Variants in TRIM2 observed in about 807,000 individuals in gnomAD.
TRIM2 encodes tripartite motif-containing protein 2.
A neutral mutation model predicts 75.2 loss-of-function variants in TRIM2; 20 were observed. The observed-to-expected ratio is 0.27, with a 90% CI of 0.19 to 0.39. The LOEUF is 0.39. TRIM2 is among the 10% of genes least tolerant of loss of function. TRIM2 has a pLI of 1.00. For missense variants in TRIM2, 660 were observed against 990.8 expected (o/e 0.67, Z 4.48); for synonymous variants, 373 against 388.3 (o/e 0.96, Z 0.46).
chr4:153,224,137 C>T (rs904028730), intron 1 of TRIM2, among the ~76,000 whole-genome samples: 4 of 152,146 alleles, frequency 2.6e-5, no homozygotes, highest in Non-Finnish European at 5.9e-5. Context: ...AGAACTGGTA[C>T]CTGCCCTTCA....
intron 8 of TRIM2, among the ~76,000 whole-genome samples, chr4:153,320,930 C>T (rs978022192): frequency 2.0e-4 from 31 of 152,178 alleles, no homozygotes; most frequent in African/African-American, 7.0e-4. Context: ...CCGCGCCCGG[C>T]GAAGAGTTCT....
chr4:153,249,296 G>T (rs1313568111), intron 1 of TRIM2, among the ~76,000 whole-genome samples: 2 of 152,342 alleles, frequency 1.3e-5, no homozygotes, highest in Middle Eastern at 3.4e-3. Flanking sequence ...CTCGGCTCCC[G>T]CCTCGGGGCG....
At chr4:153,232,870 ACT>A (rs1744024371) in intron 1 of TRIM2, among the ~76,000 whole-genome samples, 1 of 152,102 alleles carries the variant, frequency 6.6e-6, no homozygotes, top group African/African-American at 2.4e-5. Flanking sequence ...AAGGTCAGCC[ACT>A]CCAGTGAGAG....
chr4:153,160,753 C>A (rs1729660800), intron 1 of TRIM2, among the ~76,000 whole-genome samples: 1 of 152,202 alleles, frequency 6.6e-6, no homozygotes, highest in Non-Finnish European at 1.5e-5. Flanking sequence ...CACCACCACA[C>A]CTGGCTAATT....
At position 153,308,277 on chromosome 4, in the gene TRIM2, G is replaced by A. The variant is rs186034159; in HGVS notation, c.1511-7208G>A. The A allele has an allele frequency of 1.4e-3, 2,141 of 1,548,162 alleles. 6 individuals are homozygous for A. The highest frequency in any genetic ancestry group is 1.6e-3 in the South Asian group (145 of 89,762). Reference sequence around the variant, plus strand: ...CATCAGCTTGCAGAAGTCACCAGATGTGTCCGAAATAATGTCCTTCTCCAG... The same window carrying A: ...CATCAGCTTGCAGAAGTCACCAGATATGTCCGAAATAATGTCCTTCTCCAG... On this transcript the variant is annotated intron_variant, in intron 6 of 11. Transcript: ENST00000338700.
intron 6 of TRIM2, among the ~76,000 whole-genome samples, chr4:153,299,736 G>A (rs1763472407): frequency 6.6e-6 from 1 of 151,914 alleles, no homozygotes; most frequent in Non-Finnish European, 1.5e-5. Flanking sequence ...TTTGACCCGA[G>A]TCACCCCTGG....
At chr4:153,309,772 C>A (rs754725219) in intron 6 of TRIM2, 1 of 151,830 alleles carries the variant, frequency 6.6e-6, no homozygotes, top group Non-Finnish European at 1.5e-5. Context: ...TACAGGCATG[C>A]GCCACCATGC....
In TRIM2 at chr4:153,315,466, A is replaced by G; in HGVS notation, c.1511-19A>G. On this transcript the variant is annotated intron_variant, in intron 6 of 11. Coordinates refer to ENST00000338700, the MANE Select transcript of TRIM2 (RefSeq NM_015271.5). ...AACCCTTTAGTGCTTAATTTTTATG[A>G]TTTTATCATTTATTTTAGGTACCAA... is the stretch of plus-strand genomic sequence containing the variant. 2 of 1,579,068 alleles carry G rather than the reference A, an allele frequency of 1.3e-6. No individual in the cohort carries two copies. The highest frequency in any genetic ancestry group is 1.7e-6 in the Non-Finnish European group (2 of 1,163,188).
chr4:153,272,049 A>G (rs1420051572), intron 2 of TRIM2, among the ~76,000 whole-genome samples: 1 of 152,216 alleles, frequency 6.6e-6, no homozygotes, highest in Admixed American at 6.5e-5. Context: ...AGCTGGTGGT[A>G]GAGATTTGTG....
chr4:153,219,618 A>C (rs2149744736), intron 1 of TRIM2, among the ~76,000 whole-genome samples: 1 of 152,324 alleles, frequency 6.6e-6, no homozygotes, highest in Admixed American at 6.5e-5. Context: ...CCTGTAACTC[A>C]ACACTTTAGG....
chr4:153,186,846 T>C (rs1172710809), intron 1 of TRIM2, among the ~76,000 whole-genome samples: 2 of 152,178 alleles, frequency 1.3e-5, no homozygotes, highest in African/African-American at 2.4e-5. Context: ...GCTCTACCTG[T>C]GTGGGGAAGC....
chr4:153,320,136 G>C (rs1768614655), intron 8 of TRIM2, among the ~76,000 whole-genome samples: 1 of 152,072 alleles, frequency 6.6e-6, no homozygotes, highest in Admixed American at 6.6e-5. Context: ...AACAACAAAT[G>C]CCATTTCTTT....
chr4:153,320,201 A>G (rs983802314), intron 8 of TRIM2, among the ~76,000 whole-genome samples: 2 of 152,216 alleles, frequency 1.3e-5, no homozygotes, highest in Non-Finnish European at 2.9e-5. Context: ...GAGAATCAGA[A>G]TCAAATTTAC....
intron 1 of TRIM2, among the ~76,000 whole-genome samples, chr4:153,252,247 T>A (rs1329524146): frequency 2.0e-5 from 3 of 152,128 alleles, no homozygotes; most frequent in African/African-American, 7.2e-5. Context: ...CTGAAACACA[T>A]CACCTCTCTA....
chr4:153,322,686 A>C lies in TRIM2; in HGVS notation c.1821A>C (p.Gly607=). Residue 607 remains glycine (G), a synonymous_variant, in exon 9 of 12, where the codon GGA becomes GGC. Coordinates refer to ENST00000338700, the MANE Select transcript of TRIM2 (RefSeq NM_015271.5). The part of the protein sequence containing the change: ...IGSGKLMGPK[G]VSVDRNGHII... The stretch of plus-strand genomic sequence containing the variant: ...CAGGAAAGCTGATGGGACCCAAAGG[A>C]GTTTCTGTGGACCGCAATGGGCACA... 6.2e-7 allele frequency: 1 copy of C among 1,614,064 alleles called. No individual in the cohort carries two copies. Among genetic ancestry groups the C allele is most frequent in the Non-Finnish European group, 8.5e-7 (1 of 1,179,998 alleles).
chr4:153,205,397 C>T (rs1268975057), intron 1 of TRIM2, among the ~76,000 whole-genome samples: 1 of 152,156 alleles, frequency 6.6e-6, no homozygotes, highest in Non-Finnish European at 1.5e-5. Context: ...TGTCGTAGCT[C>T]ACGGGGTGCG....
intron 6 of TRIM2, among the ~76,000 whole-genome samples, chr4:153,298,658 C>T (rs771509506): frequency 4.6e-5 from 7 of 152,078 alleles, no homozygotes; most frequent in Non-Finnish European, 7.4e-5. Flanking sequence ...TATGCATTAC[C>T]TCACATATTG....
chr4:153,276,025 G>A lies in TRIM2; in HGVS notation c.348G>A (p.Val116=), dbSNP rs1757944457. ...NNFFITNLMD[V]LQRTPGSNAE... is the part of the protein sequence containing the mutation. ...TCTTCATCACAAACCTGATGGACGT[G>A]CTGCAGCGAACTCCAGGCAGCAACG... The change falls in exon 3 of 12, where the codon GTG becomes GTA. Residue 116 remains valine, a synonymous_variant. Coordinates refer to ENST00000338700, the MANE Select transcript of TRIM2 (RefSeq NM_015271.5). The A allele has an allele frequency of 6.2e-7, 1 of 1,614,234 alleles. No individual in the cohort carries two copies. The highest frequency in any genetic ancestry group is 8.5e-7 in the Non-Finnish European group (1 of 1,180,052).
chr4:153,152,471 GTACTT>G (rs1469156919), upstream of TRIM2: 3 of 151,042 alleles, frequency 2.0e-5, no homozygotes, highest in African/African-American at 2.4e-5. Flanking sequence ...CTTCGGTGGA[GTACTT>G]TACTTTGATA....
Sources: gnomAD v4.1 joint callset for allele counts (sites outside exome capture counted in the v4.1 genomes callset) on GRCh38, gnomAD v4.1.1 for gene constraint, MANE v1.5 for transcripts, NCBI Gene and HGNC (gene_info 2026-07-23, HGNC 2026-07-21) for gene names.